The following SKIC8 variants were observed in gnomAD, a reference collection of about 807,000 sequenced individuals.
SKIC8 encodes superkiller complex protein 8.
At chr15:78,292,535 T>C in the SKIC8 span, 2 of 1,581,440 alleles carry the variant, frequency 1.3e-6, no homozygotes, top group Middle Eastern at 1.7e-4. Flanking sequence ...AATTCTGAGC[T>C]GTAAAACACA....
At chr15:78,283,567 A>G in the SKIC8 span, 12 of 1,392,214 alleles carry the variant, frequency 8.6e-6, no homozygotes, top group Admixed American at 2.3e-4. Flanking sequence ...TTTATTCTTT[A>G]TAATATTTAT....
chr15:78,297,900 A>G, the SKIC8 span, among the ~76,000 whole-genome samples: 5 of 152,242 alleles, frequency 3.3e-5, no homozygotes, highest in African/African-American at 1.2e-4. Context: ...TTGCCTATGA[A>G]GATCTCAAAT....
chr15:78,295,376 C>G, the SKIC8 span: 1 of 604,526 alleles, frequency 1.7e-6, no homozygotes, highest in Non-Finnish European at 2.9e-6. Context: ...AGATATGTTT[C>G]TCCTGTTCTA....
the SKIC8 span, chr15:78,286,161 T>C: frequency 6.3e-7 from 1 of 1,596,590 alleles, no homozygotes. Flanking sequence ...CAAACAAAAT[T>C]GAGATGTTAA....
chr15:78,286,037 G>A, the SKIC8 span: 1 of 1,611,380 alleles, frequency 6.2e-7, no homozygotes, highest in South Asian at 1.1e-5. Flanking sequence ...GAATCATTAA[G>A]TACCTGGAAA....
chr15:78,287,337 C>A, the SKIC8 span, among the ~76,000 whole-genome samples: 1 of 149,310 alleles, frequency 6.7e-6, no homozygotes, highest in Non-Finnish European at 1.5e-5. Flanking sequence ...CAGTTAAAAA[C>A]TGCAGTTAGA....
the SKIC8 span, chr15:78,295,150 G>A: frequency 4.5e-6 from 3 of 671,014 alleles, no homozygotes; most frequent in Non-Finnish European, 7.6e-6. Context: ...GATTTGTACA[G>A]TCATATCAGA....
At chr15:78,295,963 C>T in the SKIC8 span, 4 of 384,464 alleles carry the variant, frequency 1.0e-5, no homozygotes, top group East Asian at 1.5e-4. Flanking sequence ...GTTTCTTCAC[C>T]TCAAGTGTGA....
chr15:78,295,533 C>G, the SKIC8 span: 1 of 1,044,898 alleles, frequency 9.6e-7, no homozygotes, highest in Non-Finnish European at 1.5e-6. Flanking sequence ...ACTGTGGTGA[C>G]TAGGTACCCA....
the SKIC8 span, chr15:78,294,920 AT>A: frequency 6.2e-7 from 1 of 1,614,068 alleles, no homozygotes; most frequent in South Asian, 1.1e-5. Flanking sequence ...TCACAGATGA[AT>A]TGCTTAAACA....
chr15:78,289,596 C>A, the SKIC8 span: 988,982 of 1,560,506 alleles, frequency 0.63, 315,761 homozygotes, highest in Non-Finnish European at 0.65. Flanking sequence ...CCCAGTTTGT[C>A]AAAATAAGAT....
the SKIC8 span, chr15:78,288,317 C>T: frequency 1.2e-6 from 2 of 1,613,970 alleles, no homozygotes; most frequent in Non-Finnish European, 1.7e-6. Context: ...TAGCCATCAT[C>T]TGAAGCAGTG....
chr15:78,283,742 A>T, the SKIC8 span: 1 of 461,670 alleles, frequency 2.2e-6, no homozygotes, highest in Non-Finnish European at 3.8e-6. Flanking sequence ...AAAAAAAAAA[A>T]AAAAATCATT....
chr15:78,284,983 A>C, the SKIC8 span: 1 of 398,800 alleles, frequency 2.5e-6, no homozygotes, highest in Non-Finnish European at 4.6e-6. Context: ...AGCAATTTCC[A>C]AAGACGGCAT....
At chr15:78,290,174 A>G in the SKIC8 span, 1 of 1,464,954 alleles carries the variant, frequency 6.8e-7, no homozygotes, top group South Asian at 1.4e-5. Flanking sequence ...AAGTTTTACC[A>G]AAGGATACAT....
At chr15:78,294,493 A>G in the SKIC8 span, 1 of 174,910 alleles carries the variant, frequency 5.7e-6, no homozygotes, top group Non-Finnish European at 1.2e-5. Context: ...AGCCCTCCCC[A>G]TGCACTCGGT....
the SKIC8 span, chr15:78,293,426 C>T: frequency 1.5e-6 from 1 of 681,174 alleles, no homozygotes; most frequent in East Asian, 2.9e-5. Flanking sequence ...AATTTTGGGG[C>T]CACATATGAA....
chr15:78,292,634 A>C, the SKIC8 span: 1 of 1,614,150 alleles, frequency 6.2e-7, no homozygotes, highest in Non-Finnish European at 8.5e-7. Flanking sequence ...GCATCTATGG[A>C]CTTTATCTGT....
chr15:78,294,913 C>T, the SKIC8 span: 1 of 1,613,660 alleles, frequency 6.2e-7, no homozygotes, highest in African/African-American at 1.3e-5. Context: ...GTTTTTTTCA[C>T]AGATGAATTG....
Sources: allele counts gnomAD v4.1 joint callset (sites outside exome capture counted in the v4.1 genomes callset), GRCh38; gene constraint gnomAD v4.1.1; transcripts MANE v1.5; gene names NCBI Gene and HGNC (gene_info 2026-07-23, HGNC 2026-07-21).